The following TRRAP variants were observed in gnomAD, a reference collection of about 807,000 sequenced individuals.
TRRAP encodes the protein transformation/transcription domain-associated protein.
Under a neutral mutation model 438.8 loss-of-function variants are expected in TRRAP, and 41 were observed. That is an observed-to-expected ratio of 0.09 (90% CI 0.07 to 0.12). The LOEUF (loss-of-function observed/expected upper bound fraction) is 0.12, where lower values mean the gene tolerates loss of function less well. TRRAP is among the 10% of genes least tolerant of loss of function. The probability of loss-of-function intolerance (pLI) is 1.00; values close to 1 mark genes in which losing one functional copy is unlikely to be tolerated. For synonymous variants in TRRAP, 1,994 were observed against 1,962.9 expected, an observed-to-expected ratio of 1.02 and a Z score of -0.42; for missense variants, 3,122 against 5,055.1, an observed-to-expected ratio of 0.62 and a Z score of 11.60.
intron 14 of TRRAP, 57 bp downstream of exon 14, chr7:98,909,019 A>AT (rs879955419): frequency 0.098 from 105,708 of 1,075,206 alleles, 150 homozygotes; most frequent in Non-Finnish European, 0.1. Context: ...TTGTGGCTAA[A>AT]TTTTTTTTTT....
chr7:98,973,930 C>T (rs767521676), intron 53 of TRRAP, among the ~76,000 whole-genome samples: 1 of 152,170 alleles, frequency 6.6e-6, no homozygotes, highest in Admixed American at 6.5e-5. Flanking sequence ...TAATTCTTCC[C>T]TTCTCCTTGG....
chr7:98,926,073 TAGAG>T (rs1256032609), intron 22 of TRRAP, among the ~76,000 whole-genome samples: 10 of 151,912 alleles, frequency 6.6e-5, no homozygotes, highest in Non-Finnish European at 1.0e-4. Flanking sequence ...CCCAAAAACT[TAGAG>T]AGAACCTTTA....
At chr7:98,910,966 T>C in intron 16 of TRRAP, 111 bp from the exon 17 acceptor site, 2 of 870,370 alleles carry the variant, frequency 2.3e-6, no homozygotes, top group Non-Finnish European at 3.3e-6. Flanking sequence ...ACATTTGTTA[T>C]CTAATTTAAG....
Position 98,993,583 on chromosome 7 carries a change from C to G in TRRAP, c.9893C>G (p.Ser3298Cys). The change falls in exon 66 of 73, where the codon TCT becomes TGT. Residue 3298 changes from serine (S) to cysteine (C), a missense_variant. Ser to Cys is a moderately radical substitution (Grantham distance 112). Transcript: ENST00000456197. ...QPSSVGNQSH[S>C]ASDPGPIRAT... ...AGTTCAGTGGGTAACCAGTCCCATT[C>G]TGCATCAGATCCAGGGCCCATAAGA... is the stretch of plus-strand genomic sequence containing the variant. 4 of 1,613,852 alleles carry G rather than the reference C, an allele frequency of 2.5e-6. No individual in the cohort carries two copies. Among genetic ancestry groups the G allele is most frequent in the Non-Finnish European group, 3.4e-6 (4 of 1,180,052 alleles).
At chr7:98,964,107 G>A (rs1429162858) in intron 47 of TRRAP, among the ~76,000 whole-genome samples, 1 of 151,446 alleles carries the variant, frequency 6.6e-6, no homozygotes, top group Non-Finnish European at 1.5e-5. Context: ...AAAGTTTAAT[G>A]GGTAGGTTGA....
rs1790093083 is a variant in TRRAP, at chr7:98,927,312, T to C, written c.3121T>C (p.Phe1041Leu). 6.2e-7 allele frequency: 1 copy of C among 1,614,194 alleles called. No homozygotes were observed. Among genetic ancestry groups the C allele is most frequent in the Non-Finnish European group, 8.5e-7 (1 of 1,180,030 alleles). Reference sequence around the variant, plus strand: ...GGACCTGCGGCCCAGCGCCCTGCCCTTTGTCGCCAGCTTGATCCGCCACTA... The same window carrying C: ...GGACCTGCGGCCCAGCGCCCTGCCCCTTGTCGCCAGCTTGATCCGCCACTA... ...IKDLRPSALP[F>L]VASLIRHYTM... Residue 1041 changes from phenylalanine to leucine, a missense_variant, in exon 23 of 73, where the codon TTT becomes CTT. Transcript: ENST00000456197.
chr7:98,967,638 G>T lies in TRRAP; in HGVS notation c.7452G>T (p.Val2484=). 6.2e-7 allele frequency: 1 copy of T among 1,614,018 alleles called. No homozygotes were observed. Among genetic ancestry groups the T allele is most frequent in the South Asian group, 1.1e-5 (1 of 91,068 alleles). ...KRRVYERLLY[V]TCSQNWEAMG... is the part of the protein sequence containing the mutation. ...GTGTCTACGAGCGCTTGCTCTATGT[G>T]ACCTGTTCGCAGAACTGGGAAGCCA... The change falls in exon 51 of 73, where the codon GTG becomes GTT. Residue 2484 remains valine (V), a synonymous_variant. Coordinates refer to ENST00000456197, the MANE Select transcript of TRRAP (RefSeq NM_001375524.1).
chr7:98,882,926 TG>T (rs1449097214), intron 3 of TRRAP, among the ~76,000 whole-genome samples: 1 of 152,266 alleles, frequency 6.6e-6, no homozygotes, highest in Non-Finnish European at 1.5e-5. Flanking sequence ...CCCATAGTGC[TG>T]GGATTACAGG....
At chr7:98,999,447 G>A (rs2116836245) in intron 67 of TRRAP, 3 of 888,570 alleles carry the variant, frequency 3.4e-6, no homozygotes, top group Admixed American at 1.8e-5. Context: ...TGATGGGAGG[G>A]GCTTGAGCTA....
At chr7:98,997,017 A>G (rs1793693046) in intron 67 of TRRAP, among the ~76,000 whole-genome samples, 1 of 152,290 alleles carries the variant, frequency 6.6e-6, no homozygotes, top group East Asian at 1.9e-4. Flanking sequence ...AAAAAAGAGT[A>G]TGTTCTTGGT....
chr7:98,963,769 G>C (rs949805417), intron 47 of TRRAP, among the ~76,000 whole-genome samples: 1 of 152,108 alleles, frequency 6.6e-6, no homozygotes. Context: ...TGGTTGATCC[G>C]TGAATACAGA....
Position 98,911,171 on chromosome 7 carries a change from C to G in TRRAP, c.1907C>G (p.Ala636Gly). ...KEEKEVLEHF[A>G]GVFTMMNPLT... The stretch of plus-strand genomic sequence containing the variant: ...GAGAAGGAGGTATTGGAGCATTTCG[C>G]TGGTGTGTTCACAATGATGAACCCC... The change falls in exon 17 of 73, where the codon GCT becomes GGT. Residue 636 changes from alanine to glycine, a missense_variant. Transcript: ENST00000456197. 1.2e-6 allele frequency: 2 copies of G among 1,614,186 alleles called. No homozygotes were observed. Among genetic ancestry groups the G allele is most frequent in the Non-Finnish European group, 1.7e-6 (2 of 1,180,032 alleles).
chr7:98,908,587 G>A lies in TRRAP; in HGVS notation c.1116-141G>A. 4 of 671,148 alleles carry A rather than the reference G, an allele frequency of 6.0e-6. No homozygotes were observed. Among genetic ancestry groups the A allele is most frequent in the Non-Finnish European group, 1.0e-5 (4 of 384,558 alleles). The allele number at this position is 671,148 out of a possible 1,614,324, so 41.6% of individuals were successfully genotyped here. ...CCTCTTCTGTCATGTATCTGGGAGAGAGTAATGTGGTGAAAATGGGCCATG... is the reference window on the plus strand; with the variant it reads ...CCTCTTCTGTCATGTATCTGGGAGAAAGTAATGTGGTGAAAATGGGCCATG... On this transcript the variant is annotated intron_variant, in intron 13 of 72. Transcript: ENST00000456197. The surrounding 1 kb of genome is among the most constrained non-coding windows in gnomAD (Gnocchi z 4.1).
intron 31 of TRRAP, among the ~76,000 whole-genome samples, chr7:98,945,216 A>T (rs539413543): frequency 1.3e-5 from 2 of 152,236 alleles, no homozygotes; most frequent in South Asian, 2.1e-4. Context: ...ACCACTTGTT[A>T]TGTGTATGCA....
chr7:98,936,355 G>C (rs1033250032), intron 28 of TRRAP, among the ~76,000 whole-genome samples: 32 of 152,184 alleles, frequency 2.1e-4, no homozygotes, highest in African/African-American at 7.2e-4. Context: ...GCAAGCCAAA[G>C]CCAACAGGGG....
In TRRAP at chr7:98,899,795, C is replaced by G. The variant is rs1796392484; in HGVS notation, c.800+28C>G. On this transcript the variant is annotated intron_variant, in intron 10 of 72. Coordinates refer to ENST00000456197, the MANE Select transcript of TRRAP (RefSeq NM_001375524.1). ...GAGGCGTCACTGTAGCCGGCTGCCACAGTGCCTGGATTCCAAGTAAAAATA... is the reference window on the plus strand; with the variant it reads ...GAGGCGTCACTGTAGCCGGCTGCCAGAGTGCCTGGATTCCAAGTAAAAATA... 1.9e-6 allele frequency: 3 copies of G among 1,608,068 alleles called. No homozygotes were observed. In the East Asian group the frequency reaches 6.7e-5, roughly 36 times the overall value.
intron 47 of TRRAP, 140 bp from the exon 48 acceptor site, chr7:98,964,489 C>A: frequency 2.3e-6 from 2 of 875,574 alleles, no homozygotes; most frequent in Non-Finnish European, 3.5e-6. Flanking sequence ...TAGCGTGAGC[C>A]ATGTAAAAGC....
In TRRAP at chr7:99,011,768, A is replaced by G. The variant is rs1794437940; in HGVS notation, c.11337+233A>G. On this transcript the variant is annotated intron_variant, in intron 72 of 72. Transcript: ENST00000456197. This position sits in a 1 kb window ranked among gnomAD's most constrained non-coding sequence, Gnocchi z 7.1. ...TGCCTGACACTCGGCAGATGCCGGAAGGTGTCAAGTGAACAAATAAACAGA... is the reference window on the plus strand; with the variant it reads ...TGCCTGACACTCGGCAGATGCCGGAGGGTGTCAAGTGAACAAATAAACAGA... Among the ~76,000 whole-genome samples the G allele has an allele frequency of 6.6e-6, 1 of 152,284 alleles. No individual in the cohort carries two copies. The highest frequency in any genetic ancestry group is 1.5e-5 in the Non-Finnish European group (1 of 68,052).
At chr7:98,947,802 T>A in intron 33 of TRRAP, among the ~76,000 whole-genome samples, 1 of 152,188 alleles carries the variant, frequency 6.6e-6, no homozygotes, top group Non-Finnish European at 1.5e-5. Context: ...TAGAACTTAG[T>A]GTGTTGAGAG....
Sources: gnomAD v4.1 joint callset for allele counts (sites outside exome capture counted in the v4.1 genomes callset) on GRCh38, gnomAD v4.1.1 for gene constraint, Gnocchi (gnomAD v3.1) non-coding constraint, MANE v1.5 for transcripts, NCBI Gene and HGNC (gene_info 2026-07-23, HGNC 2026-07-21) for gene names.